The following WDPCP variants were observed in gnomAD, a reference collection of about 807,000 sequenced individuals.
The protein encoded by WDPCP is WD repeat containing planar cell polarity effector, also known as WD repeat-containing and planar cell polarity effector protein fritz homolog.
A neutral mutation model predicts 93.1 loss-of-function variants in WDPCP; 71 were observed. The observed-to-expected ratio is 0.76, with a 90% confidence interval of 0.63 to 0.93. WDPCP has a LOEUF of 0.93. WDPCP is among the 40% of genes least tolerant of loss of function. The pLI, the probability that WDPCP is intolerant of heterozygous loss-of-function variation, is 0.00. For synonymous variants in WDPCP, 315 were observed against 315.0 expected (o/e 1.00, Z 0.00); for missense variants, 844 against 887.4 (o/e 0.95, Z 0.62).
intron 17 of WDPCP, among the ~76,000 whole-genome samples, chr2:63,126,464 C>A (rs1669909083): frequency 6.6e-6 from 1 of 151,996 alleles, no homozygotes; most frequent in East Asian, 1.9e-4. Flanking sequence ...AGGTGTGTAG[C>A]AGTGAGGAGG....
chr2:63,632,878 T>G (rs1709878822), intron 3 of WDPCP, among the ~76,000 whole-genome samples: 1 of 152,160 alleles, frequency 6.6e-6, no homozygotes, highest in Non-Finnish European at 1.5e-5. Flanking sequence ...ATGAAGCTCA[T>G]AGATCCCCAT....
intron 1 of WDPCP, among the ~76,000 whole-genome samples, chr2:63,550,765 A>C (rs1705565917): frequency 7.7e-6 from 1 of 129,668 alleles, no homozygotes; most frequent in South Asian, 2.6e-4. Flanking sequence ...ATATACACAT[A>C]TATATGTGCA....
At chr2:63,319,946 A>G (rs566237403) in intron 12 of WDPCP, among the ~76,000 whole-genome samples, 17 of 152,354 alleles carry the variant, frequency 1.1e-4, no homozygotes, top group African/African-American at 3.8e-4. Flanking sequence ...ATATATGCAC[A>G]TGTACTTAGA....
At chr2:63,719,021 G>A (rs1284993057) in intron 2 of WDPCP, among the ~76,000 whole-genome samples, 1 of 152,118 alleles carries the variant, frequency 6.6e-6, no homozygotes, top group Non-Finnish European at 1.5e-5. Context: ...AAGAAGATAT[G>A]GAAAATTTAG....
At chr2:63,557,747 G>C (rs529751142) in intron 1 of WDPCP, among the ~76,000 whole-genome samples, 6 of 152,012 alleles carry the variant, frequency 3.9e-5, no homozygotes. Context: ...ATAATTGAAA[G>C]TAAAACACTC....
rs546603486 is a variant in WDPCP at position 63,604,266 on chromosome 2, A to AATCAGGTATT, written n.488+46392_488+46393insAATACCTGAT. ...GGTATATAATAAAAATTTTACCTAAATATAAAGTGCCTAAATACCTGATTA... is the reference window on the plus strand; with the variant it reads ...GGTATATAATAAAAATTTTACCTAAAATCAGGTATTTATAAAGTGCCTAAATACCTGATTA... On this transcript the variant is annotated intron_variant and non_coding_transcript_variant, in intron 3 of 4. Transcript: ENST00000467687. Among the ~76,000 whole-genome samples the AATCAGGTATT allele has an allele frequency of 1.5e-3, 236 of 152,362 alleles. 1 individual carries two copies. Among genetic ancestry groups the AATCAGGTATT allele is most frequent in the African/African-American group, 5.0e-3 (208 of 41,586 alleles).
chr2:63,234,292 TAAC>T lies in WDPCP; in HGVS notation c.1915+25012_1915+25014del, dbSNP rs533515712. Among the ~76,000 whole-genome samples the T allele has an allele frequency of 2.0e-3, 309 of 152,110 alleles. 14 individuals carry two copies. In the South Asian group the frequency reaches 0.062, roughly 30 times the overall value. ...CATCTATCTTTTAGTGTTGTTGAGA[TAAC>T]AATATTAAATGAAGTGGGCACTGTG... On this transcript the variant is annotated intron_variant, in intron 14 of 17. Transcript: ENST00000272321.
At chr2:63,405,638 C>A (rs552551926) in intron 9 of WDPCP, among the ~76,000 whole-genome samples, 1 of 148,766 alleles carries the variant, frequency 6.7e-6, no homozygotes, top group Non-Finnish European at 1.5e-5. Flanking sequence ...GGGACAACTG[C>A]AATATGATTT....
At chr2:63,321,537 G>C (rs1300399872) in intron 12 of WDPCP, among the ~76,000 whole-genome samples, 2 of 151,900 alleles carry the variant, frequency 1.3e-5, no homozygotes, top group African/African-American at 4.8e-5. Flanking sequence ...CTACTGGTTT[G>C]CTTTTGTCTG....
At chr2:63,693,763 A>G (rs1013969664) in intron 2 of WDPCP, among the ~76,000 whole-genome samples, 1 of 152,200 alleles carries the variant, frequency 6.6e-6, no homozygotes, top group Non-Finnish European at 1.5e-5. Context: ...ACAACCCAGC[A>G]CATTCCTGGG....
At chr2:63,589,075 C>A (rs138148100), upstream of WDPCP, 1,161 of 1,614,122 alleles carry the variant, frequency 7.2e-4, 6 homozygotes, top group African/African-American at 0.013. Context: ...TTCCTGCCCA[C>A]CTCTGGCCCT....
At chr2:63,321,400 G>C (rs1177240137) in intron 12 of WDPCP, among the ~76,000 whole-genome samples, 3 of 148,344 alleles carry the variant, frequency 2.0e-5, no homozygotes, top group Non-Finnish European at 4.5e-5. Context: ...GTGTGTGTGT[G>C]TGTGTGTGTG....
rs191008672 is a variant in WDPCP, at chr2:63,819,849, C to A, written n.223-6142G>T. On this transcript the variant is annotated intron_variant and non_coding_transcript_variant, in intron 1 of 4. Transcript: ENST00000467687. ...TATCTACCTATGCAGGCCCCCTTTT[C>A]CTCTTAGACAGGGGTCAGCCTTCCT... Among the ~76,000 whole-genome samples, 4 of 152,258 alleles carry A rather than the reference C, an allele frequency of 2.6e-5. No individual in the cohort carries two copies. The East Asian group carries it at 7.7e-4, about 29-fold the overall frequency.
At chr2:63,450,386 T>G (rs1354556325) in intron 6 of WDPCP, among the ~76,000 whole-genome samples, 1 of 152,130 alleles carries the variant, frequency 6.6e-6, no homozygotes, top group Non-Finnish European at 1.5e-5. Context: ...AACACCAGTA[T>G]GCACCACCCA....
At chr2:63,630,665 A>T (rs1044379060) in intron 3 of WDPCP, among the ~76,000 whole-genome samples, 2 of 152,210 alleles carry the variant, frequency 1.3e-5, no homozygotes, top group African/African-American at 4.8e-5. Flanking sequence ...CAAATACACA[A>T]TCATAGTTGG....
intron 2 of WDPCP, among the ~76,000 whole-genome samples, chr2:63,702,277 C>T (rs764011897): frequency 4.6e-5 from 7 of 152,146 alleles, no homozygotes; most frequent in East Asian, 1.9e-4. Context: ...CCGCCTGCTT[C>T]GGCCTCCCAA....
Position 63,338,567 on chromosome 2 carries a change from AAAATATATATATATATAT to A in WDPCP, c.1749-25274_1749-25257del, listed in dbSNP as rs1306189003. 1.7e-3 allele frequency among the ~76,000 whole-genome samples: 19 copies of A among 10,986 alleles called. 2 individuals are homozygous for A. The highest frequency in any genetic ancestry group is 0.012 in the Admixed American group (7 of 588). 7.2% of individuals were successfully genotyped at this position (10,986 alleles called of 152,430 possible). ...AACTCCATCTAAAAAAAAAAAAAAA[AAAATATATATATATATAT>A]ATATATATATATATATATATATATA... is the stretch of plus-strand genomic sequence containing the variant. On this transcript the variant is annotated intron_variant, in intron 12 of 17. Transcript: ENST00000272321.
At chr2:63,517,372 A>T (rs563944302) in intron 1 of WDPCP, among the ~76,000 whole-genome samples, 6 of 152,184 alleles carry the variant, frequency 3.9e-5, no homozygotes, top group African/African-American at 1.4e-4. Flanking sequence ...CCCATGTGAG[A>T]TTGCCTCTGC....
chr2:63,588,683 G>A (rs1054927367), upstream of WDPCP: 3 of 471,558 alleles, frequency 6.4e-6, no homozygotes, highest in Non-Finnish European at 1.2e-5. Context: ...CCCGCCAATT[G>A]CCGGGCTCCA....
Sources: gnomAD v4.1 joint callset for allele counts (sites outside exome capture counted in the v4.1 genomes callset) on GRCh38, gnomAD v4.1.1 for gene constraint, MANE v1.5 for transcripts, NCBI Gene and HGNC (gene_info 2026-07-23, HGNC 2026-07-21) for gene names.